The following SPATS2L variants were observed in gnomAD, a reference collection of about 807,000 sequenced individuals.
SPATS2L encodes the protein spermatogenesis associated serine rich 2 like.
Under a neutral mutation model 59.6 loss-of-function variants are expected in SPATS2L, and 30 were observed. The observed-to-expected ratio is 0.50, with a 90% confidence interval of 0.38 to 0.68. The LOEUF (loss-of-function observed/expected upper bound fraction) is 0.68, where lower values mean the gene tolerates loss of function less well. Ranked by LOEUF, SPATS2L falls within the 30% of genes least tolerant of loss-of-function variation. SPATS2L has a pLI of 0.00. For missense variants in SPATS2L, 615 were observed against 700.0 expected, an observed-to-expected ratio of 0.88 and a Z score of 1.37; for synonymous variants, 252 against 263.5, an observed-to-expected ratio of 0.96 and a Z score of 0.42.
chr2:200,324,036 G>T (rs2105779474), intron 1 of SPATS2L, among the ~76,000 whole-genome samples: 1 of 152,272 alleles, frequency 6.6e-6, no homozygotes, highest in African/African-American at 2.4e-5. Flanking sequence ...CTCAGAAACT[G>T]CTTCTGGGTC....
intron 1 of SPATS2L, among the ~76,000 whole-genome samples, chr2:200,326,541 T>C (rs1050624069): frequency 3.9e-5 from 6 of 152,224 alleles, no homozygotes; most frequent in Non-Finnish European, 8.8e-5. Context: ...AGATGTCCTC[T>C]TTGAGGTTTA....
At chr2:200,470,346 G>A (rs914152412) in intron 11 of SPATS2L, among the ~76,000 whole-genome samples, 6 of 152,188 alleles carry the variant, frequency 3.9e-5, no homozygotes, top group East Asian at 1.9e-4. Flanking sequence ...ACAGAAACTC[G>A]TTAGGCAGAG....
chr2:200,342,505 C>CACA (rs1209003980), intron 2 of SPATS2L, among the ~76,000 whole-genome samples: 1 of 152,248 alleles, frequency 6.6e-6, no homozygotes, highest in Non-Finnish European at 1.5e-5. Context: ...TGTGCAGCTA[C>CACA]TCTGTGTCTG....
intron 2 of SPATS2L, chr2:200,378,190 C>A: frequency 1.0e-6 from 1 of 1,001,062 alleles, no homozygotes; most frequent in Non-Finnish European, 1.2e-6. Flanking sequence ...CGCCCAAGAT[C>A]CTGCTACTAC....
chr2:200,415,696 T>A (rs1306182357), intron 4 of SPATS2L, among the ~76,000 whole-genome samples: 1 of 152,028 alleles, frequency 6.6e-6, no homozygotes, highest in Non-Finnish European at 1.5e-5. Flanking sequence ...TAATTTAATA[T>A]AATTTGAATA....
At chr2:200,446,730 G>A (rs1198269184) in intron 8 of SPATS2L, among the ~76,000 whole-genome samples, 2 of 152,112 alleles carry the variant, frequency 1.3e-5, no homozygotes, top group Non-Finnish European at 1.5e-5. Context: ...AAACATCCCT[G>A]ATCATCTTGC....
intron 5 of SPATS2L, among the ~76,000 whole-genome samples, chr2:200,417,596 A>G (rs781461271): frequency 5.3e-5 from 8 of 152,158 alleles, no homozygotes; most frequent in Admixed American, 3.9e-4. Context: ...TTGAAAAGGA[A>G]AATGGTCTCC....
chr2:200,326,075 C>T (rs2079729321), intron 1 of SPATS2L, among the ~76,000 whole-genome samples: 1 of 152,178 alleles, frequency 6.6e-6, no homozygotes, highest in Non-Finnish European at 1.5e-5. Flanking sequence ...AAAGGGCACC[C>T]AGGTAGAAAG....
intron 6 of SPATS2L, among the ~76,000 whole-genome samples, chr2:200,438,432 A>G (rs2084455229): frequency 6.6e-6 from 1 of 152,210 alleles, no homozygotes; most frequent in South Asian, 2.1e-4. Context: ...AATTCATTCC[A>G]GCAATAACTA....
chr2:200,477,540 C>CA, intron 12 of SPATS2L, 96 bp from the exon 13 acceptor site: 1 of 453,098 alleles, frequency 2.2e-6, no homozygotes, highest in Non-Finnish European at 3.3e-6. Context: ...AAAAAAAAAG[C>CA]TTACCTGTGG....
rs1374418858 is a variant in SPATS2L, at chr2:200,318,054, CGTATT to C, written c.-73+11136_-73+11140del. ...TGTTCTCAGTGTGGGCTGACTTTCA[CGTATT>C]GTAGTGATTACCAGTACATAACTGA... On this transcript the variant is annotated intron_variant, in intron 1 of 12. Transcript: ENST00000409140. 2.0e-5 allele frequency among the ~76,000 whole-genome samples: 3 copies of C among 152,150 alleles called. No individual in the cohort carries two copies. In the East Asian group the frequency reaches 5.8e-4, roughly 29 times the overall value.
intron 2 of SPATS2L, chr2:200,372,280 A>C: frequency 2.0e-5 from 16 of 795,134 alleles, no homozygotes; most frequent in Non-Finnish European, 2.1e-5. Flanking sequence ...CATTATCCTC[A>C]TTCAATGGCC....
chr2:200,467,219 T>A, intron 9 of SPATS2L, 71 bp from the exon 10 acceptor site: 1 of 1,067,746 alleles, frequency 9.4e-7, no homozygotes, highest in Non-Finnish European at 1.4e-6. Context: ...TGAGAACTGA[T>A]TCCAAGAAAT....
At chr2:200,334,004 T>C (rs537628372) in intron 2 of SPATS2L, among the ~76,000 whole-genome samples, 1 of 152,382 alleles carries the variant, frequency 6.6e-6, no homozygotes, top group South Asian at 2.1e-4. Flanking sequence ...TTATAATCCT[T>C]TGGGTATACA....
intron 2 of SPATS2L, among the ~76,000 whole-genome samples, chr2:200,344,040 T>A (rs1232141268): frequency 2.0e-5 from 3 of 151,560 alleles, no homozygotes; most frequent in African/African-American, 7.3e-5. Flanking sequence ...ATAGAGGTTA[T>A]TTTTTTTAAA....
chr2:200,470,863 A>G (rs940142737), intron 11 of SPATS2L, among the ~76,000 whole-genome samples: 8 of 152,220 alleles, frequency 5.3e-5, no homozygotes, highest in African/African-American at 1.9e-4. Flanking sequence ...CTCTAAATAT[A>G]ATAGATGTCA....
At chr2:200,438,372 A>G (rs1400796196) in intron 6 of SPATS2L, among the ~76,000 whole-genome samples, 1 of 152,186 alleles carries the variant, frequency 6.6e-6, no homozygotes, top group African/African-American at 2.4e-5. Flanking sequence ...CTCTGGTAGT[A>G]AGATGTTAAG....
At chr2:200,372,285 A>G (rs1159333944) in intron 2 of SPATS2L, 2 of 756,904 alleles carry the variant, frequency 2.6e-6, no homozygotes, top group Non-Finnish European at 1.6e-6. Flanking sequence ...TCCTCATTCA[A>G]TGGCCAGCCA....
intron 2 of SPATS2L, among the ~76,000 whole-genome samples, chr2:200,358,434 A>G (rs1040247126): frequency 4.6e-5 from 7 of 152,210 alleles, no homozygotes; most frequent in Non-Finnish European, 7.3e-5. Context: ...GCTAAATTCT[A>G]TGGCTAGAAA....
Sources: allele counts gnomAD v4.1 joint callset (sites outside exome capture counted in the v4.1 genomes callset), GRCh38; gene constraint gnomAD v4.1.1; transcripts MANE v1.5; gene names NCBI Gene and HGNC (gene_info 2026-07-23, HGNC 2026-07-21).